The following SYTL2 variants were observed in gnomAD, a reference collection of about 807,000 sequenced individuals.
SYTL2 encodes the protein synaptotagmin-like protein 2.
A neutral mutation model predicts 198.7 loss-of-function variants in SYTL2; 165 were observed. The observed-to-expected ratio is 0.83, with a 90% CI of 0.73 to 0.94. The LOEUF is 0.94. Ranked by LOEUF, SYTL2 falls within the 40% of genes least tolerant of loss-of-function variation. SYTL2 has a pLI of 0.00. For missense variants in SYTL2, 2,835 were observed against 2,582.8 expected (o/e 1.10, Z -2.12); for synonymous variants, 966 against 917.7 (o/e 1.05, Z -0.95).
the SYTL2 span, among the ~76,000 whole-genome samples, chr11:85,833,824 C>T: frequency 6.6e-6 from 1 of 151,430 alleles, no homozygotes; most frequent in Admixed American, 6.6e-5. Flanking sequence ...CTGCAACCTC[C>T]GCCTCTCGGG....
intron 4 of SYTL2, among the ~76,000 whole-genome samples, chr11:85,740,859 C>A (rs980317579): frequency 1.3e-5 from 2 of 152,172 alleles, no homozygotes; most frequent in Non-Finnish European, 2.9e-5. Context: ...TCTTTGAAAT[C>A]TTAAATAAAA....
At position 85,734,737 on chromosome 11, in the gene SYTL2, A is replaced by G. The variant is rs779278651; in HGVS notation, c.592T>C (p.Leu198=). The G allele has an allele frequency of 1.9e-6, 3 of 1,608,912 alleles. No homozygotes were observed. The African/African-American group carries it at 4.0e-5, about 22-fold the overall frequency. The change falls in exon 7 of 20, where the codon TTG becomes CTG. Residue 198 remains leucine (L), a synonymous_variant. Transcript: ENST00000359152. ...GTTGACTTTTCTTTTGACTCTGACA[A>G]TTCATCTGAAAATTAAAACACAGTA... ...GLFQTSKEDE[L]SESKEKSTVA...
At chr11:85,770,582 A>C (rs1435230730) in intron 1 of SYTL2, among the ~76,000 whole-genome samples, 1 of 152,152 alleles carries the variant, frequency 6.6e-6, no homozygotes, top group Non-Finnish European at 1.5e-5. Context: ...TCTTTCCTAC[A>C]GGACCATTCC....
chr11:85,752,720 G>A (rs1452430737), intron 2 of SYTL2, among the ~76,000 whole-genome samples: 1 of 151,740 alleles, frequency 6.6e-6, no homozygotes, highest in Admixed American at 6.6e-5. Context: ...ATCCTGCGGG[G>A]CACTTACCCT....
At chr11:85,849,197 G>A in the SYTL2 span, among the ~76,000 whole-genome samples, 2 of 152,184 alleles carry the variant, frequency 1.3e-5, no homozygotes, top group African/African-American at 2.4e-5. Flanking sequence ...TTAGCCCTTT[G>A]TCAGATGAGT....
chr11:85,703,664 A>C (rs1339933103), intron 16 of SYTL2, among the ~76,000 whole-genome samples: 2 of 152,174 alleles, frequency 1.3e-5, no homozygotes, highest in Non-Finnish European at 2.9e-5. Flanking sequence ...AATCCAGGAA[A>C]GGATAAAGAG....
chr11:85,809,945 A>T (rs778181031), intron 1 of SYTL2, among the ~76,000 whole-genome samples: 10 of 152,214 alleles, frequency 6.6e-5, no homozygotes, highest in Non-Finnish European at 1.3e-4. Context: ...AGCTCCTTTC[A>T]ATCATCCTAC....
intron 7 of SYTL2, among the ~76,000 whole-genome samples, chr11:85,729,273 T>C (rs1209422849): frequency 6.6e-6 from 1 of 152,122 alleles, no homozygotes; most frequent in Admixed American, 6.5e-5. Flanking sequence ...CCACCCCAAA[T>C]CAACAGAATA....
intron 1 of SYTL2, among the ~76,000 whole-genome samples, chr11:85,777,648 C>G (rs1351737191): frequency 2.0e-5 from 3 of 150,568 alleles, no homozygotes; most frequent in Non-Finnish European, 4.4e-5. Context: ...AACCCACACC[C>G]CCTGCCAAAA....
In SYTL2 at chr11:85,725,371, T is replaced by C. The variant is rs1341485720; in HGVS notation, c.3987A>G (p.Gln1329=). ...GSFGDVASPP[Q]DMLFPQDAHL... ...GAGCATCCTGGGGAAAAAGCATATC[T>C]TGGGGAGGGCTGGCCACATCCCCAA... The change falls in exon 8 of 20, where the codon CAA becomes CAG. Residue 1329 remains glutamine (Q), a synonymous_variant. Coordinates refer to ENST00000359152, the MANE Select transcript of SYTL2 (RefSeq NM_206927.4). 3.7e-6 allele frequency: 6 copies of C among 1,613,908 alleles called. No homozygotes were observed. In the African/African-American group the frequency reaches 6.7e-5, roughly 18 times the overall value.
chr11:85,773,126 C>G (rs972259056), intron 1 of SYTL2, among the ~76,000 whole-genome samples: 4 of 152,220 alleles, frequency 2.6e-5, no homozygotes, highest in African/African-American at 9.6e-5. Flanking sequence ...ACTTTCCTTT[C>G]CTTTCCTTGG....
chr11:85,794,062 G>T (rs914585569), intron 1 of SYTL2, among the ~76,000 whole-genome samples: 6 of 152,220 alleles, frequency 3.9e-5, no homozygotes, highest in African/African-American at 7.2e-5. Flanking sequence ...TAGAGACAGG[G>T]TCTCACTATG....
intron 1 of SYTL2, among the ~76,000 whole-genome samples, chr11:85,789,340 GTATATATATATATATATA>G (rs56956411): frequency 3.2e-5 from 2 of 62,526 alleles, no homozygotes; most frequent in African/African-American, 7.4e-5. Flanking sequence ...GTGTGTGTGT[GTATATATATATATATATA>G]TATATATATA....
chr11:85,830,743 C>A, the SYTL2 span, among the ~76,000 whole-genome samples: 1 of 152,200 alleles, frequency 6.6e-6, no homozygotes, highest in South Asian at 2.1e-4. Flanking sequence ...CCTTCAGCGT[C>A]CTTACAGCAT....
At chr11:85,719,165 CT>C (rs2087865802) in intron 9 of SYTL2, 1 of 1,355,212 alleles carries the variant, frequency 7.4e-7, no homozygotes, top group Non-Finnish European at 9.6e-7. Flanking sequence ...CTCTATTCTT[CT>C]GTAAAGGGTA....
Position 85,710,938 on chromosome 11 carries a change from C to T in SYTL2, c.5745+175G>A, listed in dbSNP as rs551865857. On this transcript the variant is annotated intron_variant, in intron 13 of 19. Transcript: ENST00000359152. ...ATTTGTTTATGATGGATATGAACCC[C>T]GTTAGTCTAAAAAAAAAAAGATAGA... Among the ~76,000 whole-genome samples the T allele has an allele frequency of 4.6e-5, 7 of 151,882 alleles. No individual in the cohort carries two copies. The South Asian group carries it at 6.2e-4, about 14-fold the overall frequency.
At chr11:85,721,621 T>C (rs961145765) in intron 8 of SYTL2, among the ~76,000 whole-genome samples, 17 of 152,196 alleles carry the variant, frequency 1.1e-4, no homozygotes, top group African/African-American at 4.1e-4. Flanking sequence ...CATTTATTAC[T>C]GCTGTATTCT....
At chr11:85,777,812 CTTTT>C (rs57873368) in intron 1 of SYTL2, among the ~76,000 whole-genome samples, 1 of 63,332 alleles carries the variant, frequency 1.6e-5, no homozygotes, top group Non-Finnish European at 2.9e-5. Context: ...GGTCTTACTT[CTTTT>C]TTTTTTTTTT....
rs1380330242 is a variant in SYTL2 at position 85,726,190 on chromosome 11, T to C, written c.3168A>G (p.Ser1056=). Residue 1056 remains serine (S), a synonymous_variant, in exon 8 of 20, where the codon TCA becomes TCG. Transcript: ENST00000359152. ...MAREEMEKLN[S]KGILQVLPDE... ...CTGGTAGCACCTGGAGTATGCCCTT[T>C]GAATTTAATTTCTCCATTTCCTCTC... 7.4e-6 allele frequency: 12 copies of C among 1,613,662 alleles called. No homozygotes were observed. Among genetic ancestry groups the C allele is most frequent in the African/African-American group, 1.3e-5 (1 of 74,912 alleles).
Sources: gnomAD v4.1 joint callset for allele counts (sites outside exome capture counted in the v4.1 genomes callset) on GRCh38, gnomAD v4.1.1 for gene constraint, MANE v1.5 for transcripts, NCBI Gene and HGNC (gene_info 2026-07-23, HGNC 2026-07-21) for gene names.